The following CUL5 variants were observed in gnomAD, a reference collection of about 807,000 sequenced individuals.
The protein encoded by CUL5 is cullin-5.
A neutral mutation model predicts 108.8 loss-of-function variants in CUL5; 26 were observed. The ratio of observed to expected loss-of-function variants is 0.24; its 90% confidence interval spans 0.18 to 0.33. CUL5 has a LOEUF of 0.33. Ranked by LOEUF, CUL5 falls within the 10% of genes least tolerant of loss-of-function variation. CUL5 has a pLI of 1.00. For missense variants in CUL5, 524 were observed against 909.2 expected (o/e 0.58, Z 5.45); for synonymous variants, 334 against 298.0 (o/e 1.12, Z -1.25).
intron 11 of CUL5, among the ~76,000 whole-genome samples, chr11:108,083,441 T>C (rs1051658616): frequency 1.3e-5 from 2 of 152,236 alleles, no homozygotes; most frequent in Non-Finnish European, 2.9e-5. Flanking sequence ...GCTGGGTTTC[T>C]CTTAGTTTTC....
In CUL5 at chr11:108,088,146, A is replaced by G. The variant is rs187007900; in HGVS notation, c.1179-381A>G. 1.3e-4 allele frequency among the ~76,000 whole-genome samples: 20 copies of G among 152,278 alleles called. No individual in the cohort carries two copies. In the East Asian group the frequency reaches 3.9e-3, roughly 29 times the overall value. ...GTGAAATAACAGTTTTAATATATTA[A>G]TCATAAAAAGTTTTAAATGTTAACA... On this transcript the variant is annotated intron_variant, in intron 11 of 18. Transcript: ENST00000393094.
intron 2 of CUL5, 49 bp from the exon 3 acceptor site, chr11:108,046,221 C>A: frequency 7.9e-7 from 1 of 1,264,540 alleles, no homozygotes; most frequent in Non-Finnish European, 1.1e-6. Flanking sequence ...ATGTTTTGTT[C>A]AGTTCTTGTT....
At chr11:108,055,967 G>A (rs923576471) in intron 7 of CUL5, among the ~76,000 whole-genome samples, 5 of 152,028 alleles carry the variant, frequency 3.3e-5, no homozygotes, top group African/African-American at 1.2e-4. Flanking sequence ...TTCATAGAGA[G>A]CAGGTCTTGC....
At chr11:108,028,441 A>G (rs1862501277) in intron 1 of CUL5, among the ~76,000 whole-genome samples, 2 of 152,190 alleles carry the variant, frequency 1.3e-5, no homozygotes, top group African/African-American at 4.8e-5. Context: ...CCTCAGTCCA[A>G]GTCACCATCA....
At chr11:108,080,629 C>T (rs913957449) in intron 11 of CUL5, among the ~76,000 whole-genome samples, 12 of 151,902 alleles carry the variant, frequency 7.9e-5, no homozygotes, top group African/African-American at 1.5e-4. Flanking sequence ...CTCTTGACCT[C>T]GTGATTTGCC....
intron 1 of CUL5, among the ~76,000 whole-genome samples, chr11:108,023,596 G>A (rs928780708): frequency 6.6e-6 from 1 of 152,176 alleles, no homozygotes; most frequent in African/African-American, 2.4e-5. Context: ...ATGTACTACA[G>A]TTTAAGGAAC....
At chr11:108,052,564 G>A (rs1451352080) in intron 4 of CUL5, 96 bp from the exon 5 acceptor site, 1 of 1,166,838 alleles carries the variant, frequency 8.6e-7, no homozygotes, top group African/African-American at 1.5e-5. Context: ...ACCTGGCCCA[G>A]GCCTACAAAT....
At chr11:108,046,078 A>G (rs1046485116) in intron 2 of CUL5, among the ~76,000 whole-genome samples, 192 bp from the exon 3 acceptor site, 7 of 152,330 alleles carry the variant, frequency 4.6e-5, no homozygotes, top group African/African-American at 1.4e-4. Context: ...AACAATGGCT[A>G]AAGAAAATAA....
intron 7 of CUL5, among the ~76,000 whole-genome samples, chr11:108,060,039 A>C (rs1464302562): frequency 6.6e-6 from 1 of 152,178 alleles, no homozygotes; most frequent in Non-Finnish European, 1.5e-5. Flanking sequence ...ACAAGTAAAA[A>C]CTATTTTACC....
At chr11:108,021,509 G>C (rs1477194061) in intron 1 of CUL5, among the ~76,000 whole-genome samples, 1 of 152,048 alleles carries the variant, frequency 6.6e-6, no homozygotes, top group African/African-American at 2.4e-5. Flanking sequence ...TTTAGAGACA[G>C]GGTCTTACTC....
At chr11:108,095,729 C>G in intron 16 of CUL5, 38 bp downstream of exon 16, 1 of 1,522,528 alleles carries the variant, frequency 6.6e-7, no homozygotes, top group East Asian at 2.3e-5. Context: ...ACTGTATCCT[C>G]TCATGTAGCA....
chr11:108,073,658 G>T, intron 10 of CUL5, 161 bp downstream of exon 10: 1 of 393,864 alleles, frequency 2.5e-6, no homozygotes. Flanking sequence ...TTTTGTCTTG[G>T]CTGTAAGCAT....
At chr11:108,049,738 GTTTT>G (rs1216336847) in intron 3 of CUL5, 148 bp from the exon 4 acceptor site, 1 of 631,102 alleles carries the variant, frequency 1.6e-6, no homozygotes, top group Non-Finnish European at 2.7e-6. Context: ...TCGTGTACAA[GTTTT>G]TTTGTGAACA....
chr11:108,077,287 TAATA>T (rs1039915783), intron 10 of CUL5, among the ~76,000 whole-genome samples: 7 of 152,166 alleles, frequency 4.6e-5, no homozygotes, highest in Non-Finnish European at 7.4e-5. Flanking sequence ...TAAATGCTGA[TAATA>T]AATAAGATGG....
At chr11:108,024,997 ATTGTTTAATGTCTTATATC>A (rs1290910353) in intron 1 of CUL5, among the ~76,000 whole-genome samples, 1 of 152,134 alleles carries the variant, frequency 6.6e-6, no homozygotes, top group Admixed American at 6.5e-5. Flanking sequence ...CTGCTACCTC[ATTGTTTAATGTCTTATATC>A]TGTGGTTTAT....
chr11:108,105,725 A>G lies in CUL5; in HGVS notation c.*1341A>G, dbSNP rs1864783371. ...TTCCCCTTGAGGAAAGAATGGCTCA[A>G]CGTGGATTTTTATTCATTGTGGTGC... On this transcript the variant is annotated 3_prime_UTR_variant, in exon 19 of 19. Transcript: ENST00000393094. The G allele has an allele frequency of 6.6e-6, 1 of 152,108 alleles. No individual in the cohort carries two copies. Among genetic ancestry groups the G allele is most frequent in the Non-Finnish European group, 1.5e-5 (1 of 67,980 alleles). 9.4% of individuals were successfully genotyped at this position (152,108 alleles called of 1,614,324 possible).
intron 11 of CUL5, among the ~76,000 whole-genome samples, chr11:108,081,424 C>T (rs1017350867): frequency 2.0e-5 from 3 of 151,944 alleles, no homozygotes; most frequent in African/African-American, 7.2e-5. Flanking sequence ...CCAATTGTTC[C>T]AGCATTCATT....
At chr11:108,024,135 GTTAA>G (rs1275718947) in intron 1 of CUL5, among the ~76,000 whole-genome samples, 1 of 152,218 alleles carries the variant, frequency 6.6e-6, no homozygotes, top group African/African-American at 2.4e-5. Flanking sequence ...CCAGAGAATA[GTTAA>G]TTAAGAATGT....
chr11:108,037,154 G>GT (rs1445193352), intron 2 of CUL5, among the ~76,000 whole-genome samples: 4 of 152,088 alleles, frequency 2.6e-5, no homozygotes, highest in African/African-American at 9.7e-5. Flanking sequence ...TCCAGACTCT[G>GT]TTTTTTCTCT....
Sources: gnomAD v4.1 joint callset for allele counts (sites outside exome capture counted in the v4.1 genomes callset) on GRCh38, gnomAD v4.1.1 for gene constraint, MANE v1.5 for transcripts, NCBI Gene and HGNC (gene_info 2026-07-23, HGNC 2026-07-21) for gene names.